Variants in GPC5 observed in about 807,000 individuals in gnomAD.
GPC5 encodes glypican-5.
A neutral mutation model predicts 53.9 loss-of-function variants in GPC5; 47 were observed. That is an observed-to-expected ratio of 0.87 (90% CI 0.69 to 1.11). GPC5 has a LOEUF of 1.11. GPC5 is among the 50% of genes most tolerant of loss of function. The pLI, the probability that GPC5 is intolerant of heterozygous loss-of-function variation, is 0.00. For missense variants in GPC5, 748 were observed against 713.1 expected (o/e 1.05, Z -0.56); for synonymous variants, 286 against 263.3 (o/e 1.09, Z -0.84).
chr13:92,059,144 GTTAT>G (rs1206040231), intron 6 of GPC5, among the ~76,000 whole-genome samples: 2 of 152,104 alleles, frequency 1.3e-5, no homozygotes, highest in African/African-American at 2.4e-5. Context: ...TCACAGAGGG[GTTAT>G]TTATTACTTG....
chr13:91,399,241 CG>C, intron 1 of GPC5, 32 bp downstream of exon 1: 2 of 1,599,172 alleles, frequency 1.3e-6, no homozygotes, highest in Non-Finnish European at 1.7e-6. Context: ...TCTGGACTGG[CG>C]GCGTCCGAGC....
chr13:92,828,051 A>T (rs1877912645), intron 7 of GPC5, among the ~76,000 whole-genome samples: 2 of 152,274 alleles, frequency 1.3e-5, no homozygotes, highest in South Asian at 4.1e-4. Flanking sequence ...AGAGAAAGAA[A>T]CAGGCAAAGC....
chr13:92,776,333 C>A (rs1223317940), intron 7 of GPC5, among the ~76,000 whole-genome samples: 1 of 152,180 alleles, frequency 6.6e-6, no homozygotes, highest in Non-Finnish European at 1.5e-5. Flanking sequence ...TACACATACA[C>A]ACTCACTCAC....
intron 7 of GPC5, among the ~76,000 whole-genome samples, chr13:92,847,532 T>C (rs1878651791): frequency 6.6e-6 from 1 of 152,098 alleles, no homozygotes; most frequent in Non-Finnish European, 1.5e-5. Context: ...TCTCCAGCCA[T>C]GTACCTACTT....
At chr13:92,565,088 T>C (rs1194945796) in intron 7 of GPC5, among the ~76,000 whole-genome samples, 1 of 152,064 alleles carries the variant, frequency 6.6e-6, no homozygotes, top group Admixed American at 6.6e-5. Context: ...CTTTTAAGAC[T>C]CATAAGCCAT....
intron 7 of GPC5, among the ~76,000 whole-genome samples, chr13:92,744,112 T>A (rs183887127): frequency 9.9e-5 from 15 of 152,180 alleles, no homozygotes; most frequent in Non-Finnish European, 1.8e-4. Flanking sequence ...TCCTCTAGAT[T>A]ACTGGCAGTG....
intron 7 of GPC5, among the ~76,000 whole-genome samples, chr13:92,756,886 C>G (rs776254850): frequency 0.2 from 30,559 of 149,820 alleles, 3,139 homozygotes; most frequent in Middle Eastern, 0.27. Context: ...GAATCAATAT[C>G]GTGAAAATGG....
At chr13:92,500,296 C>T (rs560493133) in intron 7 of GPC5, among the ~76,000 whole-genome samples, 81 of 152,212 alleles carry the variant, frequency 5.3e-4, no homozygotes, top group African/African-American at 1.9e-3. Context: ...TACAGACTCC[C>T]GGGAGAGTGC....
At chr13:92,773,992 C>A (rs1198641029) in intron 7 of GPC5, among the ~76,000 whole-genome samples, 2 of 152,156 alleles carry the variant, frequency 1.3e-5, no homozygotes, top group Admixed American at 1.3e-4. Flanking sequence ...ATTTATAAAA[C>A]CATCAGATCT....
intron 6 of GPC5, among the ~76,000 whole-genome samples, chr13:91,988,096 A>C (rs1176955476): frequency 6.7e-6 from 1 of 149,314 alleles, no homozygotes; most frequent in Non-Finnish European, 1.5e-5. Flanking sequence ...TATATAAACC[A>C]GGTCTCAGAA....
At chr13:92,444,825 A>G (rs958532928) in intron 7 of GPC5, among the ~76,000 whole-genome samples, 1 of 151,942 alleles carries the variant, frequency 6.6e-6, no homozygotes, top group African/African-American at 2.4e-5. Context: ...TTCTAAGACA[A>G]ATTAAGAGGG....
At chr13:92,778,252 C>A (rs1045416118) in intron 7 of GPC5, among the ~76,000 whole-genome samples, 5 of 151,144 alleles carry the variant, frequency 3.3e-5, no homozygotes, top group African/African-American at 1.2e-4. Flanking sequence ...ATAAAGAATG[C>A]TTCCAGTTGT....
chr13:91,915,498 G>A (rs1424422668), intron 6 of GPC5, among the ~76,000 whole-genome samples: 1 of 152,040 alleles, frequency 6.6e-6, no homozygotes, highest in East Asian at 1.9e-4. Flanking sequence ...ATTGTTTTGT[G>A]TTGGATAAAA....
chr13:92,327,316 T>C (rs1033963414), intron 7 of GPC5, among the ~76,000 whole-genome samples: 1 of 152,204 alleles, frequency 6.6e-6, no homozygotes, highest in African/African-American at 2.4e-5. Flanking sequence ...CACTTTCCAC[T>C]GTAAAATACT....
chr13:91,805,812 G>C (rs1368779179), intron 5 of GPC5, among the ~76,000 whole-genome samples: 2 of 152,058 alleles, frequency 1.3e-5, no homozygotes, highest in African/African-American at 4.8e-5. Context: ...GATGGCTTTT[G>C]TACACTAGGT....
At chr13:91,488,624 A>G (rs143230247) in intron 2 of GPC5, among the ~76,000 whole-genome samples, 2,070 of 152,280 alleles carry the variant, frequency 0.014, 58 homozygotes, top group African/African-American at 0.047. Flanking sequence ...GTGATTTTCT[A>G]TGCCTGTCTT....
At chr13:91,589,490 A>AC (rs2032719442) in intron 2 of GPC5, among the ~76,000 whole-genome samples, 1 of 151,752 alleles carries the variant, frequency 6.6e-6, no homozygotes, top group African/African-American at 2.4e-5. Context: ...CCTGACCATC[A>AC]CCCTCTCTCT....
At chr13:92,575,522 C>T (rs370976913) in intron 7 of GPC5, among the ~76,000 whole-genome samples, 2 of 152,206 alleles carry the variant, frequency 1.3e-5, no homozygotes, top group East Asian at 3.9e-4. Flanking sequence ...GGACATCTGG[C>T]CTCCAGAACT....
At chr13:92,493,468 C>T (rs1184191353) in intron 7 of GPC5, among the ~76,000 whole-genome samples, 4 of 152,126 alleles carry the variant, frequency 2.6e-5, no homozygotes, top group Admixed American at 6.6e-5. Flanking sequence ...CAACTGCTCT[C>T]ATTGAAGTAG....
Sources: gnomAD v4.1 joint callset for allele counts (sites outside exome capture counted in the v4.1 genomes callset) on GRCh38, gnomAD v4.1.1 for gene constraint, MANE v1.5 for transcripts, NCBI Gene and HGNC (gene_info 2026-07-23, HGNC 2026-07-21) for gene names.